Variants in LOC128092252 observed in about 807,000 individuals in gnomAD.
At chr15:50,677,217 A>G in the LOC128092252 span, among the ~76,000 whole-genome samples, 1 of 152,176 alleles carries the variant, frequency 6.6e-6, no homozygotes, top group African/African-American at 2.4e-5. Flanking sequence ...GGGAGTGAAT[A>G]AGCTCTCTGG....
At chr15:50,681,492 C>A in the LOC128092252 span, among the ~76,000 whole-genome samples, 12 of 152,160 alleles carry the variant, frequency 7.9e-5, no homozygotes, top group Non-Finnish European at 1.8e-4. Context: ...TATGTTTCTC[C>A]AGTGTCCTCC....
At chr15:50,671,944 T>C in the LOC128092252 span, among the ~76,000 whole-genome samples, 2 of 152,108 alleles carry the variant, frequency 1.3e-5, no homozygotes, top group Non-Finnish European at 2.9e-5. Context: ...TATACAACTA[T>C]GTACAGTACA....
the LOC128092252 span, among the ~76,000 whole-genome samples, chr15:50,673,457 T>C: frequency 6.6e-6 from 1 of 152,298 alleles, no homozygotes; most frequent in South Asian, 2.1e-4. Context: ...AAGTCCATTG[T>C]GTCATTCTTA....
the LOC128092252 span, chr15:50,649,006 TAA>T: frequency 1.6e-6 from 1 of 640,682 alleles, no homozygotes; most frequent in Admixed American, 3.6e-5. Context: ...TATATAAGTA[TAA>T]AAATAAGCTT....
chr15:50,661,060 T>A, the LOC128092252 span, among the ~76,000 whole-genome samples: 3 of 138,116 alleles, frequency 2.2e-5, no homozygotes, highest in African/African-American at 8.2e-5. Context: ...CACTACAACC[T>A]CTGCCTTCCA....
At chr15:50,650,735 C>G in the LOC128092252 span, among the ~76,000 whole-genome samples, 1 of 151,866 alleles carries the variant, frequency 6.6e-6, no homozygotes, top group South Asian at 2.1e-4. Context: ...ACCTAGACAG[C>G]CCATGCCCTG....
the LOC128092252 span, among the ~76,000 whole-genome samples, chr15:50,654,979 C>T: frequency 2.0e-4 from 25 of 127,320 alleles, 2 homozygotes; most frequent in African/African-American, 3.9e-4. Context: ...CCAGCGTGGG[C>T]GACAGAGTGA....
At chr15:50,676,517 G>C in the LOC128092252 span, among the ~76,000 whole-genome samples, 1 of 151,928 alleles carries the variant, frequency 6.6e-6, no homozygotes, top group Non-Finnish European at 1.5e-5. Context: ...CCAGGAGTTT[G>C]AGACCAGCCT....
the LOC128092252 span, among the ~76,000 whole-genome samples, chr15:50,684,656 GA>G: frequency 3.3e-5 from 5 of 149,556 alleles, no homozygotes; most frequent in Non-Finnish European, 7.4e-5. Context: ...AAAGAAAAAA[GA>G]AAAAAAAATA....
chr15:50,651,450 C>T, the LOC128092252 span, among the ~76,000 whole-genome samples: 2 of 151,338 alleles, frequency 1.3e-5, no homozygotes, highest in East Asian at 3.9e-4. Context: ...TCGAGACCAT[C>T]CTGGCTAACA....
chr15:50,662,594 GGATACCCAGTA>G, the LOC128092252 span, among the ~76,000 whole-genome samples: 1 of 151,944 alleles, frequency 6.6e-6, no homozygotes, highest in East Asian at 1.9e-4. Context: ...CCATAGTGTT[GGATACCCAGTA>G]GATGCCCAAT....
the LOC128092252 span, among the ~76,000 whole-genome samples, chr15:50,649,615 C>A: frequency 6.6e-6 from 1 of 152,026 alleles, no homozygotes; most frequent in Non-Finnish European, 1.5e-5. Context: ...ATTCAAGAAA[C>A]CGTGAACTAA....
chr15:50,677,403 T>TAAC, the LOC128092252 span, among the ~76,000 whole-genome samples: 2 of 151,512 alleles, frequency 1.3e-5, no homozygotes, highest in African/African-American at 2.4e-5. Flanking sequence ...ATTCAGTACA[T>TAAC]AACAACAACA....
At chr15:50,656,482 T>C in the LOC128092252 span, among the ~76,000 whole-genome samples, 1 of 151,026 alleles carries the variant, frequency 6.6e-6, no homozygotes, top group South Asian at 2.1e-4. Context: ...CATGCCAAGA[T>C]TTTTGTGTGT....
the LOC128092252 span, among the ~76,000 whole-genome samples, chr15:50,677,966 G>C: frequency 3.3e-5 from 5 of 151,812 alleles, no homozygotes; most frequent in African/African-American, 1.2e-4. Context: ...TTGGCTGGGC[G>C]CAGTGGCTCA....
chr15:50,670,541 C>A, the LOC128092252 span, among the ~76,000 whole-genome samples: 3 of 152,096 alleles, frequency 2.0e-5, no homozygotes, highest in African/African-American at 4.8e-5. Flanking sequence ...CTAACCAGCA[C>A]CATGACAGTT....
At chr15:50,665,804 G>C in the LOC128092252 span, among the ~76,000 whole-genome samples, 2,398 of 152,110 alleles carry the variant, frequency 0.016, 67 homozygotes, top group African/African-American at 0.056. Context: ...AGACCAGCCT[G>C]ACCAACATGG....
the LOC128092252 span, among the ~76,000 whole-genome samples, chr15:50,650,305 C>A: frequency 0.02 from 3,062 of 150,998 alleles, 120 homozygotes; most frequent in African/African-American, 0.071. Flanking sequence ...GCAGGGAACA[C>A]TTTATGTTCC....
At chr15:50,656,297 TTTTG>T in the LOC128092252 span, among the ~76,000 whole-genome samples, 2 of 151,870 alleles carry the variant, frequency 1.3e-5, no homozygotes, top group African/African-American at 2.4e-5. Flanking sequence ...TGTCAGGTCT[TTTTG>T]TTTGTTTTTT....
Sources: allele counts gnomAD v4.1 joint callset (sites outside exome capture counted in the v4.1 genomes callset), GRCh38; gene constraint gnomAD v4.1.1; transcripts MANE v1.5.